The following NCAM1 variants were observed in gnomAD, a reference collection of about 807,000 sequenced individuals.
The protein encoded by NCAM1 is neural cell adhesion molecule 1.
A neutral mutation model predicts 109.8 loss-of-function variants in NCAM1; 14 were observed. The observed-to-expected ratio is 0.13, with a 90% CI of 0.08 to 0.20. The LOEUF (loss-of-function observed/expected upper bound fraction) is 0.20, where lower values mean the gene tolerates loss of function less well. Ranked by LOEUF, NCAM1 falls within the 10% of genes least tolerant of loss-of-function variation. NCAM1 has a pLI of 1.00. For missense variants in NCAM1, 774 were observed against 1,109.9 expected, an observed-to-expected ratio of 0.70 and a Z score of 4.30; for synonymous variants, 418 against 442.9, an observed-to-expected ratio of 0.94 and a Z score of 0.70.
intron 1 of NCAM1, among the ~76,000 whole-genome samples, chr11:113,017,717 G>T (rs1422384037): frequency 6.7e-6 from 1 of 148,522 alleles, no homozygotes; most frequent in Admixed American, 6.7e-5. Context: ...CTAACCAGAA[G>T]CTTTGGATTT....
At chr11:113,170,630 G>A (rs1397681044) in intron 1 of NCAM1, among the ~76,000 whole-genome samples, 1 of 152,122 alleles carries the variant, frequency 6.6e-6, no homozygotes, top group Non-Finnish European at 1.5e-5. Flanking sequence ...TTGTTGTTAT[G>A]TGTCTTGCTT....
At chr11:113,070,761 T>C (rs1465593527) in intron 1 of NCAM1, among the ~76,000 whole-genome samples, 1 of 152,150 alleles carries the variant, frequency 6.6e-6, no homozygotes, top group Non-Finnish European at 1.5e-5. Context: ...ATACTCACTA[T>C]AAAGGAAAAG....
chr11:113,259,456 G>A (rs1179546666), intron 16 of NCAM1, among the ~76,000 whole-genome samples: 3 of 152,288 alleles, frequency 2.0e-5, no homozygotes, highest in Admixed American at 6.5e-5. Flanking sequence ...GACAAGAAAT[G>A]TACTTGTTTT....
In NCAM1 at chr11:113,259,814, T is replaced by C. The variant is rs577300571; in HGVS notation, c.1954-332T>C. Among the ~76,000 whole-genome samples, 172 of 151,216 alleles carry C rather than the reference T, an allele frequency of 1.1e-3. 1 individual carries two copies. Among genetic ancestry groups the C allele is most frequent in the African/African-American group, 4.0e-3 (166 of 41,168 alleles). ...CACCTCCTGGGTTCAAGCCATTCTCTTGCCTCAGCCTCCAGAGTAGCTGGG... is the reference window on the plus strand; with the variant it reads ...CACCTCCTGGGTTCAAGCCATTCTCCTGCCTCAGCCTCCAGAGTAGCTGGG... On this transcript the variant is annotated intron_variant, in intron 16 of 19. Coordinates refer to ENST00000316851, the MANE Select transcript of NCAM1 (RefSeq NM_181351.5).
At chr11:113,159,548 C>T (rs965143386) in intron 1 of NCAM1, among the ~76,000 whole-genome samples, 2 of 152,054 alleles carry the variant, frequency 1.3e-5, no homozygotes, top group South Asian at 4.2e-4. Flanking sequence ...GTGGTGTAGC[C>T]CTTACAGCTG....
At chr11:112,991,994 G>A (rs1555070645) in intron 1 of NCAM1, among the ~76,000 whole-genome samples, 4 of 151,920 alleles carry the variant, frequency 2.6e-5, no homozygotes, top group African/African-American at 9.7e-5. Context: ...TTTTATTGTT[G>A]AAGTATCTTT....
chr11:113,193,404 G>T (rs571004773), intron 1 of NCAM1, among the ~76,000 whole-genome samples: 6 of 152,200 alleles, frequency 3.9e-5, no homozygotes, highest in Non-Finnish European at 8.8e-5. Context: ...CCAGCACTTC[G>T]AGAGGCCGAG....
chr11:113,183,487 T>C (rs6589362), intron 1 of NCAM1, among the ~76,000 whole-genome samples: 10,414 of 152,274 alleles, frequency 0.068, 723 homozygotes, highest in African/African-American at 0.17. Context: ...AGAGCATTTA[T>C]TAGAACCTGC....
intron 1 of NCAM1, among the ~76,000 whole-genome samples, chr11:113,019,309 T>C (rs1024595519): frequency 6.6e-6 from 1 of 152,204 alleles, no homozygotes; most frequent in African/African-American, 2.4e-5. Flanking sequence ...TTTCAATAGC[T>C]GATGATAAAC....
intron 1 of NCAM1, among the ~76,000 whole-genome samples, chr11:113,006,501 T>G (rs1951895943): frequency 6.6e-6 from 1 of 152,178 alleles, no homozygotes; most frequent in African/African-American, 2.4e-5. Context: ...GTAAATATAA[T>G]TTTAAACTGT....
intron 1 of NCAM1, among the ~76,000 whole-genome samples, chr11:113,016,174 G>C (rs1262244709): frequency 2.6e-5 from 4 of 152,118 alleles, no homozygotes; most frequent in African/African-American, 9.7e-5. Flanking sequence ...AGTAATTCTT[G>C]GGTCTCTACT....
At chr11:113,076,418 G>A (rs1163917159) in intron 1 of NCAM1, among the ~76,000 whole-genome samples, 1 of 152,120 alleles carries the variant, frequency 6.6e-6, no homozygotes, top group Non-Finnish European at 1.5e-5. Context: ...CTAGGCCAAT[G>A]GCAACACAAC....
chr11:113,000,527 G>A (rs1951718083), intron 1 of NCAM1, among the ~76,000 whole-genome samples: 3 of 152,048 alleles, frequency 2.0e-5, no homozygotes, highest in South Asian at 2.1e-4. Flanking sequence ...TACGGATAAC[G>A]AGATGCAGGC....
intron 16 of NCAM1, 99 bp downstream of exon 16, chr11:113,256,100 T>TG: frequency 6.8e-7 from 1 of 1,459,884 alleles, no homozygotes; most frequent in Non-Finnish European, 9.2e-7. Flanking sequence ...AGGGGTGGGA[T>TG]GGGGTCTTAT....
chr11:113,148,783 ACT>A (rs1942116292), intron 1 of NCAM1, among the ~76,000 whole-genome samples: 1 of 151,922 alleles, frequency 6.6e-6, no homozygotes, highest in Non-Finnish European at 1.5e-5. Flanking sequence ...TACAGTGAAG[ACT>A]CTTCCAAGTC....
At chr11:113,144,295 C>T (rs148662081) in intron 1 of NCAM1, among the ~76,000 whole-genome samples, 2 of 152,236 alleles carry the variant, frequency 1.3e-5, no homozygotes, top group African/African-American at 2.4e-5. Flanking sequence ...TGATGACCCT[C>T]GGCCGTTACA....
intron 1 of NCAM1, among the ~76,000 whole-genome samples, chr11:113,200,786 T>A (rs547059805): frequency 6.6e-6 from 1 of 152,228 alleles, no homozygotes; most frequent in East Asian, 1.9e-4. Flanking sequence ...CGCGGCATAG[T>A]ATTCCAGCAC....
At chr11:113,230,899 A>G (rs1205436982) in intron 9 of NCAM1, among the ~76,000 whole-genome samples, 3 of 152,098 alleles carry the variant, frequency 2.0e-5, no homozygotes, top group Admixed American at 2.0e-4. Flanking sequence ...TCTCTTTTTG[A>G]CCAATCATTA....
At chr11:113,045,671 TGA>T (rs138935853) in intron 1 of NCAM1, among the ~76,000 whole-genome samples, 1,988 of 152,310 alleles carry the variant, frequency 0.013, 40 homozygotes, top group African/African-American at 0.045. Flanking sequence ...TGAATTTACA[TGA>T]GAGAGATAAT....
Sources: allele counts gnomAD v4.1 joint callset (sites outside exome capture counted in the v4.1 genomes callset), GRCh38; gene constraint gnomAD v4.1.1; transcripts MANE v1.5; gene names NCBI Gene and HGNC (gene_info 2026-07-23, HGNC 2026-07-21).